The following GPATCH2 variants were observed in gnomAD, a reference collection of about 807,000 sequenced individuals.
GPATCH2 encodes G-patch domain containing 2, also known as G patch domain-containing protein 2.
In GPATCH2, 51 loss-of-function variants were observed where a neutral mutation model predicts 58.0. The ratio of observed to expected loss-of-function variants is 0.88; its 90% CI spans 0.70 to 1.11. The LOEUF is 1.11. Among genes scored for constraint, GPATCH2 ranks in the 50% most tolerant of loss-of-function variants. GPATCH2 has a pLI of 0.00. For missense variants in GPATCH2, 625 were observed against 652.2 expected (o/e 0.96, Z 0.45); for synonymous variants, 222 against 218.5 (o/e 1.02, Z -0.14).
intron 9 of GPATCH2, among the ~76,000 whole-genome samples, chr1:217,437,677 C>T (rs1418880029): frequency 1.3e-5 from 2 of 152,232 alleles, no homozygotes; most frequent in African/African-American, 2.4e-5. Context: ...CAGACTGCCT[C>T]TCTAGATTCC....
chr1:217,561,813 T>G (rs1665939428), intron 5 of GPATCH2, among the ~76,000 whole-genome samples: 1 of 152,142 alleles, frequency 6.6e-6, no homozygotes, highest in Admixed American at 6.6e-5. Flanking sequence ...GACACTCTCC[T>G]CTGCAGGGTA....
In GPATCH2 at chr1:217,442,258, A is replaced by G. The variant is rs561555978; in HGVS notation, c.1366+6991T>C. On this transcript the variant is annotated intron_variant, in intron 9 of 9. Transcript: ENST00000366935. ...ACACAGGAAAAGAAAACCAAGCACCATATGTTCTCACTCATAAGTGGGAGT... is the reference window on the plus strand; with the variant it reads ...ACACAGGAAAAGAAAACCAAGCACCGTATGTTCTCACTCATAAGTGGGAGT... 1.4e-4 allele frequency among the ~76,000 whole-genome samples: 21 copies of G among 152,234 alleles called. No individual in the cohort carries two copies. In the South Asian group the frequency reaches 3.7e-3, roughly 27 times the overall value.
At position 217,446,161 on chromosome 1, in the gene GPATCH2, A is replaced by G. The variant is rs570421218; in HGVS notation, c.1366+3088T>C. On this transcript the variant is annotated intron_variant, in intron 9 of 9. Coordinates refer to ENST00000366935, the MANE Select transcript of GPATCH2 (RefSeq NM_018040.5). ...TTAACTCTTACTCCCTATTTCAAAT[A>G]AAAGACTGTTATCATCTGCATTTTT... is the stretch of plus-strand genomic sequence containing the variant. Among the ~76,000 whole-genome samples, 5 of 152,306 alleles carry G rather than the reference A, an allele frequency of 3.3e-5. No homozygotes were observed. The East Asian group carries it at 9.6e-4, about 29-fold the overall frequency.
intron 8 of GPATCH2, among the ~76,000 whole-genome samples, chr1:217,455,436 C>CT (rs1298864030): frequency 6.6e-6 from 1 of 152,180 alleles, no homozygotes; most frequent in African/African-American, 2.4e-5. Flanking sequence ...CACATGTAGT[C>CT]TGAGGCTCTA....
chr1:217,563,866 G>A (rs878933537), intron 5 of GPATCH2, among the ~76,000 whole-genome samples: 1 of 151,888 alleles, frequency 6.6e-6, no homozygotes, highest in African/African-American at 2.4e-5. Flanking sequence ...CCAACATGGA[G>A]GAACCCCGTC....
intron 5 of GPATCH2, among the ~76,000 whole-genome samples, chr1:217,579,583 C>G (rs553725313): frequency 6.6e-6 from 1 of 152,138 alleles, no homozygotes; most frequent in African/African-American, 2.4e-5. Flanking sequence ...TTCAAATGTT[C>G]AGACATAACA....
chr1:217,446,076 TATA>T (rs1659375457), intron 9 of GPATCH2, among the ~76,000 whole-genome samples: 1 of 152,146 alleles, frequency 6.6e-6, no homozygotes, highest in South Asian at 2.1e-4. Flanking sequence ...TGTTTGATTA[TATA>T]ATATTTCACA....
At chr1:217,436,428 G>A (rs1408526274) in intron 9 of GPATCH2, among the ~76,000 whole-genome samples, 2 of 152,176 alleles carry the variant, frequency 1.3e-5, no homozygotes, top group Non-Finnish European at 2.9e-5. Flanking sequence ...CAGTGAGTAA[G>A]CTAGGATTCA....
In GPATCH2 at chr1:217,532,892, T is replaced by G. The variant is rs1242418187; in HGVS notation, c.1099-18003A>C. Among the ~76,000 whole-genome samples, 4 of 62,972 alleles carry G rather than the reference T, an allele frequency of 6.4e-5. No individual in the cohort carries two copies. In the Admixed American group the frequency reaches 8.5e-4, roughly 13 times the overall value. The allele number at this position is 62,972 out of a possible 152,430, so 41.3% of individuals were successfully genotyped here. ...TGCTCTTTATCTTTTTTTTGTTTTT[T>G]TTTTTTTGTTTTTTTTTTTTTTTTG... is the stretch of plus-strand genomic sequence containing the variant. On this transcript the variant is annotated intron_variant, in intron 5 of 9. Transcript: ENST00000366935.
chr1:217,629,922 A>T (rs1351081910), intron 1 of GPATCH2, among the ~76,000 whole-genome samples: 1 of 152,214 alleles, frequency 6.6e-6, no homozygotes, highest in Non-Finnish European at 1.5e-5. Context: ...ATGGAAAAGC[A>T]ATTATCTGAG....
chr1:217,550,239 T>C (rs899980314), intron 5 of GPATCH2, among the ~76,000 whole-genome samples: 3 of 152,062 alleles, frequency 2.0e-5, no homozygotes, highest in Non-Finnish European at 4.4e-5. Flanking sequence ...CTAATTTTTA[T>C]AGGGCATGAT....
intron 5 of GPATCH2, among the ~76,000 whole-genome samples, chr1:217,561,188 A>C (rs1347247323): frequency 6.6e-6 from 1 of 152,204 alleles, no homozygotes; most frequent in Non-Finnish European, 1.5e-5. Context: ...TCTGCAATAC[A>C]CTTGGTTTTT....
chr1:217,490,048 A>G (rs1316723318), intron 8 of GPATCH2, among the ~76,000 whole-genome samples: 1 of 152,190 alleles, frequency 6.6e-6, no homozygotes, highest in African/African-American at 2.4e-5. Flanking sequence ...TTTATGAAAT[A>G]CACCCTTTAA....
chr1:217,605,635 C>A (rs1668323880), intron 5 of GPATCH2, among the ~76,000 whole-genome samples: 1 of 152,108 alleles, frequency 6.6e-6, no homozygotes, highest in African/African-American at 2.4e-5. Context: ...AATTTGAATG[C>A]GGATTTTCAG....
intron 5 of GPATCH2, among the ~76,000 whole-genome samples, chr1:217,568,035 T>A (rs910495728): frequency 2.6e-5 from 4 of 152,124 alleles, no homozygotes; most frequent in African/African-American, 9.7e-5. Flanking sequence ...GAGAATGGTG[T>A]GAACCCAGGA....
At chr1:217,610,763 A>G (rs1668583250) in intron 4 of GPATCH2, 126 bp downstream of exon 4, 1 of 642,556 alleles carries the variant, frequency 1.6e-6, no homozygotes, top group Non-Finnish European at 2.7e-6. Flanking sequence ...TTAGTGGCCA[A>G]TATGTTTCTT....
chr1:217,586,802 C>G (rs964908228), intron 5 of GPATCH2, among the ~76,000 whole-genome samples: 8 of 152,068 alleles, frequency 5.3e-5, no homozygotes, highest in African/African-American at 1.9e-4. Flanking sequence ...TACAATGCCA[C>G]GAGGTGACAG....
intron 8 of GPATCH2, among the ~76,000 whole-genome samples, chr1:217,486,491 C>T (rs369397597): frequency 8.3e-4 from 127 of 152,194 alleles, no homozygotes; most frequent in African/African-American, 3.0e-3. Flanking sequence ...GCCTCGACTG[C>T]CCAGTTAGTT....
At chr1:217,540,784 G>C (rs1277775910) in intron 5 of GPATCH2, among the ~76,000 whole-genome samples, 1 of 152,144 alleles carries the variant, frequency 6.6e-6, no homozygotes, top group Non-Finnish European at 1.5e-5. Context: ...AATAGCCCTA[G>C]GACTACGTAG....
Sources: allele counts gnomAD v4.1 joint callset (sites outside exome capture counted in the v4.1 genomes callset), GRCh38; gene constraint gnomAD v4.1.1; transcripts MANE v1.5; gene names NCBI Gene and HGNC (gene_info 2026-07-23, HGNC 2026-07-21).